KREMEN1: variants seen among roughly 807,000 people sequenced by gnomAD.
The protein encoded by KREMEN1 is kremen protein 1.
KREMEN1 carries 30 observed loss-of-function variants against 46.5 expected under a neutral mutation model. The ratio of observed to expected loss-of-function variants is 0.65; its 90% confidence interval spans 0.48 to 0.88. The LOEUF (loss-of-function observed/expected upper bound fraction) is 0.88, where lower values mean the gene tolerates loss of function less well. Ranked by LOEUF, KREMEN1 falls within the 40% of genes least tolerant of loss-of-function variation. The probability of loss-of-function intolerance (pLI) is 0.00; values close to 1 mark genes in which losing one functional copy is unlikely to be tolerated. For missense variants in KREMEN1, 533 were observed against 596.9 expected, an observed-to-expected ratio of 0.89 and a Z score of 1.11; for synonymous variants, 214 against 230.6, an observed-to-expected ratio of 0.93 and a Z score of 0.65.
chr22:29,154,558 C>G (rs1325390594), intron 9 of KREMEN1: 1 of 152,400 alleles, frequency 6.6e-6, no homozygotes, highest in Non-Finnish European at 1.5e-5. Flanking sequence ...AGCCCCCAGC[C>G]GCCGCCTCCT....
At chr22:29,150,053 C>G (rs533989448), downstream of KREMEN1, among the ~76,000 whole-genome samples, 1 of 152,142 alleles carries the variant, frequency 6.6e-6, no homozygotes, top group Non-Finnish European at 1.5e-5. Flanking sequence ...GGTCGGGTCC[C>G]GATGGGGGAT....
At chr22:29,131,770 A>G (rs137957801) in intron 5 of KREMEN1, among the ~76,000 whole-genome samples, 8,935 of 128,678 alleles carry the variant, frequency 0.069, 358 homozygotes, top group East Asian at 0.081. Flanking sequence ...ATATATATGT[A>G]TATATATATA....
In KREMEN1 at chr22:29,091,443, T is replaced by TA. The variant is rs138470744; in HGVS notation, c.98-2807dup. Among the ~76,000 whole-genome samples the TA allele has an allele frequency of 9.3e-3, 1,416 of 152,208 alleles. 16 individuals carry two copies. The highest frequency in any genetic ancestry group is 0.033 in the African/African-American group (1,350 of 41,520). Reference sequence around the variant, plus strand: ...GGCCCCTGGATCACCCTTCACACTTTAAAAAAAATTTTATTTTTATCCTAT... The same window carrying TA: ...GGCCCCTGGATCACCCTTCACACTTTAAAAAAAAATTTTATTTTTATCCTAT... On this transcript the variant is annotated intron_variant, in intron 1 of 8. Coordinates refer to ENST00000400335, the MANE Select transcript of KREMEN1 (RefSeq NM_001039570.3).
chr22:29,118,563 G>T (rs1315116548), intron 3 of KREMEN1, among the ~76,000 whole-genome samples: 1 of 152,138 alleles, frequency 6.6e-6, no homozygotes, highest in Non-Finnish European at 1.5e-5. Flanking sequence ...TTCCTAGTTT[G>T]CTGAGGGCTA....
intron 3 of KREMEN1, chr22:29,111,557 T>A (rs1297124121): frequency 7.4e-6 from 1 of 134,448 alleles, no homozygotes; most frequent in Non-Finnish European, 1.5e-5. Context: ...GAGCTTGCAG[T>A]GAGCTGAGAT....
chr22:29,163,170 T>A (rs919821065), intron 9 of KREMEN1, among the ~76,000 whole-genome samples: 1 of 151,968 alleles, frequency 6.6e-6, no homozygotes, highest in Non-Finnish European at 1.5e-5. Context: ...AGTGAGTGAA[T>A]GTCGCGAGAT....
At chr22:29,121,654 G>A (rs2038359010) in intron 4 of KREMEN1, among the ~76,000 whole-genome samples, 173 bp downstream of exon 4, 1 of 152,196 alleles carries the variant, frequency 6.6e-6, no homozygotes, top group Non-Finnish European at 1.5e-5. Flanking sequence ...GGGATAGAAA[G>A]CAGGTTAGTG....
chr22:29,163,062 G>A (rs568607843), intron 9 of KREMEN1, among the ~76,000 whole-genome samples: 5 of 152,110 alleles, frequency 3.3e-5, no homozygotes, highest in East Asian at 1.9e-4. Context: ...ATCTCGAATC[G>A]TAATCCCTGC....
At chr22:29,134,050 C>T (rs1473401960) in intron 5 of KREMEN1, 1 of 151,846 alleles carries the variant, frequency 6.6e-6, no homozygotes, top group Non-Finnish European at 1.5e-5. Flanking sequence ...AAAATTGGAA[C>T]AAAACAGAGT....
At position 29,145,976 on chromosome 22, in the gene KREMEN1, C is replaced by T. The variant is rs2038852606; in HGVS notation, c.*3864C>T. ...GGATCTGCCTGCAGCCCAGCCAGGC[C>T]ATCACCCAGCCCCGATGCATCCTGG... On this transcript the variant is annotated 3_prime_UTR_variant, in exon 9 of 9. Coordinates refer to ENST00000400335, the MANE Select transcript of KREMEN1 (RefSeq NM_001039570.3). 27 of 985,896 alleles carry T rather than the reference C, an allele frequency of 2.7e-5. No individual in the cohort carries two copies. The highest frequency in any genetic ancestry group is 3.3e-5 in the Non-Finnish European group (27 of 830,086). 61.1% of individuals were successfully genotyped at this position (985,896 alleles called of 1,614,324 possible). A position where few individuals can be genotyped will look rare whatever the true frequency, so the allele number is the denominator to read the frequency against.
At chr22:29,162,545 C>A (rs1477921479) in intron 9 of KREMEN1, among the ~76,000 whole-genome samples, 1 of 151,966 alleles carries the variant, frequency 6.6e-6, no homozygotes. Flanking sequence ...GGTGAAACCC[C>A]GTTTCCACTA....
chr22:29,093,060 C>T (rs114205542), intron 1 of KREMEN1, among the ~76,000 whole-genome samples: 8 of 152,244 alleles, frequency 5.3e-5, no homozygotes, highest in African/African-American at 1.9e-4. Context: ...TAAAATGGTG[C>T]CATTCCAGAC....
rs2038551400 is a variant in KREMEN1, at chr22:29,131,665, C to CATGTATATATGTATATATAT, written c.632-5667_632-5666insGTATATATATATGTATATAT. Among the ~76,000 whole-genome samples the CATGTATATATGTATATATAT allele has an allele frequency of 6.0e-5, 4 of 66,784 alleles. No individual in the cohort carries two copies. In the East Asian group the frequency reaches 1.6e-3, roughly 26 times the overall value. 43.8% of individuals were successfully genotyped at this position (66,784 alleles called of 152,430 possible). A position where few individuals can be genotyped will look rare whatever the true frequency, so the allele number is the denominator to read the frequency against. On this transcript the variant is annotated intron_variant, in intron 5 of 8. Transcript: ENST00000400335. Reference sequence around the variant, plus strand: ...GTGTGTATATATATGTATATATATACATGTATATATATGCATATATACATG... The same window carrying CATGTATATATGTATATATAT: ...GTGTGTATATATATGTATATATATACATGTATATATGTATATATATATGTATATATATGCATATATACATG...
chr22:29,089,058 G>A (rs575508764), intron 1 of KREMEN1, among the ~76,000 whole-genome samples: 2 of 152,130 alleles, frequency 1.3e-5, no homozygotes, highest in Non-Finnish European at 2.9e-5. Flanking sequence ...AGGGCCCCAG[G>A]GCTCAGCCCC....
At chr22:29,147,684 G>A (rs933335473), downstream of KREMEN1, among the ~76,000 whole-genome samples, 4 of 152,210 alleles carry the variant, frequency 2.6e-5, no homozygotes, top group Admixed American at 2.0e-4. Context: ...TAAGACCGAG[G>A]GCAAGGAAAC....
chr22:29,158,558 G>T (rs2038983868), intron 9 of KREMEN1, among the ~76,000 whole-genome samples: 1 of 152,178 alleles, frequency 6.6e-6, no homozygotes, highest in African/African-American at 2.4e-5. Context: ...TCCTCACAAA[G>T]GCCCCACATT....
At chr22:29,151,427 T>C (rs1412739239), downstream of KREMEN1, among the ~76,000 whole-genome samples, 2 of 152,220 alleles carry the variant, frequency 1.3e-5, no homozygotes, top group Non-Finnish European at 2.9e-5. Context: ...TTTTAGACTT[T>C]GCAGGCTATA....
chr22:29,088,160 A>T (rs552246535), intron 1 of KREMEN1, among the ~76,000 whole-genome samples: 1 of 152,224 alleles, frequency 6.6e-6, no homozygotes, highest in Non-Finnish European at 1.5e-5. Flanking sequence ...ACAGGATTCA[A>T]ACCATATATA....
chr22:29,099,696 G>A (rs927366969), intron 3 of KREMEN1, among the ~76,000 whole-genome samples: 6 of 151,798 alleles, frequency 4.0e-5, no homozygotes, highest in Non-Finnish European at 7.4e-5. Context: ...GACTGCAGGC[G>A]TGCACCACCA....
Sources: gnomAD v4.1 joint callset for allele counts (sites outside exome capture counted in the v4.1 genomes callset) on GRCh38, gnomAD v4.1.1 for gene constraint, MANE v1.5 for transcripts, NCBI Gene and HGNC (gene_info 2026-07-23, HGNC 2026-07-21) for gene names.